LHX8: variants seen among roughly 807,000 people sequenced by gnomAD.
The protein encoded by LHX8 is LIM homeobox 8.
In LHX8, 12 loss-of-function variants were observed where a neutral mutation model predicts 40.3. The ratio of observed to expected loss-of-function variants is 0.30; its 90% CI spans 0.19 to 0.48. The LOEUF (loss-of-function observed/expected upper bound fraction) is 0.48. LHX8 is among the 20% of genes least tolerant of loss of function. The pLI, the probability that LHX8 is intolerant of heterozygous loss-of-function variation, is 0.99. For synonymous variants in LHX8, 179 were observed against 162.0 expected (o/e 1.10, Z -0.80); for missense variants, 344 against 433.7 (o/e 0.79, Z 1.84).
At position 75,134,518 on chromosome 1, in the gene LHX8, GC is replaced by G. The variant is rs1207288854; in HGVS notation, c.-448del. On this transcript the variant is annotated 5_prime_UTR_variant, in exon 1 of 9. Transcript: ENST00000356261. ...TGTAGCATTATCCTTCTCGGCATCA[GC>G]TTTTATTAGTGGATCGGGGCGGGGG... Among the ~76,000 whole-genome samples, 5 of 149,962 alleles carry G rather than the reference GC, an allele frequency of 3.3e-5. No homozygotes were observed. The highest frequency in any genetic ancestry group is 9.9e-5 in the African/African-American group (4 of 40,578).
chr1:75,128,618 G>C (rs1026076917), intron 1 of LHX8: 2 of 152,158 alleles, frequency 1.3e-5, no homozygotes, highest in African/African-American at 4.8e-5. Context: ...GGTAAAATAG[G>C]GCTTTGGATA....
At chr1:75,193,740 A>G in the LHX8 span, among the ~76,000 whole-genome samples, 4 of 152,072 alleles carry the variant, frequency 2.6e-5, no homozygotes, top group Admixed American at 1.3e-4. Flanking sequence ...TTGAGGATGT[A>G]TTTTTCGCTT....
At chr1:75,163,389 T>A (rs1354363046), downstream of LHX8, among the ~76,000 whole-genome samples, 3 of 152,194 alleles carry the variant, frequency 2.0e-5, no homozygotes, top group Non-Finnish European at 4.4e-5. Context: ...CATGGATGAC[T>A]TTACCAGTTA....
intron 3 of LHX8, among the ~76,000 whole-genome samples, chr1:75,137,900 A>G (rs1648199084): frequency 6.6e-6 from 1 of 152,186 alleles, no homozygotes. Flanking sequence ...ATTTCAATAT[A>G]TTCCTGCTCT....
chr1:75,146,256 G>T (rs879609849), intron 6 of LHX8, among the ~76,000 whole-genome samples: 7 of 151,968 alleles, frequency 4.6e-5, no homozygotes, highest in Non-Finnish European at 8.8e-5. Flanking sequence ...TACCTGCTTT[G>T]GACAGAGGAG....
chr1:75,153,668 C>T (rs1648676246), intron 7 of LHX8, among the ~76,000 whole-genome samples: 1 of 152,176 alleles, frequency 6.6e-6, no homozygotes, highest in African/African-American at 2.4e-5. Context: ...CTCGGCCTCC[C>T]AAAGTGCTGG....
intron 8 of LHX8, 142 bp from the exon 9 acceptor site, chr1:75,160,677 T>A (rs558608334): frequency 2.8e-6 from 2 of 709,246 alleles, no homozygotes; most frequent in African/African-American, 3.5e-5. Flanking sequence ...ATGCTTCTGC[T>A]GAGGTCAGTG....
At chr1:75,175,920 T>C in the LHX8 span, among the ~76,000 whole-genome samples, 3 of 152,312 alleles carry the variant, frequency 2.0e-5, no homozygotes, top group African/African-American at 7.2e-5. Flanking sequence ...GAACATGCAG[T>C]GTTTGGCTTT....
chr1:75,156,930 A>G lies in LHX8; in HGVS notation c.818A>G (p.His273Arg). Reference sequence around the variant, plus strand: ...AATTGTAGAGCACGCCACAAGAAACACGTCAGTCCTAATCACTCATCCTCC... The same window carrying G: ...AATTGTAGAGCACGCCACAAGAAACGCGTCAGTCCTAATCACTCATCCTCC... ...FQNCRARHKK[H>R]VSPNHSSSTP... The change falls in exon 8 of 9, where the codon CAC (histidine) becomes CGC (arginine). Residue 273 changes from histidine (H) to arginine (R), a missense_variant. His to Arg is a conservative substitution (Grantham distance 29, BLOSUM62 0). This residue lies in a region of LHX8 where 89 missense variants were observed against 92.8 expected (regional missense o/e 0.96). Coordinates refer to ENST00000356261, the MANE Select transcript of LHX8 (RefSeq NM_001256114.2). The G allele has an allele frequency of 6.2e-7, 1 of 1,614,160 alleles. No individual in the cohort carries two copies. The highest frequency in any genetic ancestry group is 8.5e-7 in the Non-Finnish European group (1 of 1,180,026).
the LHX8 span, among the ~76,000 whole-genome samples, chr1:75,182,777 C>T: frequency 3.0e-4 from 46 of 152,280 alleles, no homozygotes; most frequent in Non-Finnish European, 5.1e-4. Flanking sequence ...GTTCTTTTTG[C>T]TTAGTCTTGC....
the LHX8 span, among the ~76,000 whole-genome samples, chr1:75,174,025 G>C: frequency 6.9e-6 from 1 of 145,128 alleles, no homozygotes; most frequent in Non-Finnish European, 1.5e-5. Flanking sequence ...AAATCTAAAA[G>C]AAAAAAAAAA....
intron 1 of LHX8, 31 bp downstream of exon 1, chr1:75,134,985 G>A (rs1648078025): frequency 1.0e-6 from 1 of 971,046 alleles, no homozygotes; most frequent in Non-Finnish European, 1.2e-6. Flanking sequence ...ATTTGCTGTG[G>A]TGATCGTGGC....
intron 3 of LHX8, 21 bp downstream of exon 3, chr1:75,137,282 C>G: frequency 1.2e-6 from 2 of 1,611,332 alleles, no homozygotes; most frequent in Non-Finnish European, 1.7e-6. Context: ...GCCTCGGGTG[C>G]GAGGCCCAAG....
the LHX8 span, among the ~76,000 whole-genome samples, chr1:75,170,653 A>G: frequency 1.3e-5 from 2 of 152,056 alleles, no homozygotes; most frequent in East Asian, 1.9e-4. Flanking sequence ...TCAAGAGTCA[A>G]CTGGAGACTG....
At chr1:75,176,745 C>A in the LHX8 span, among the ~76,000 whole-genome samples, 2 of 152,138 alleles carry the variant, frequency 1.3e-5, no homozygotes, top group Non-Finnish European at 2.9e-5. Context: ...GAAGTCCTCG[C>A]CCATGCCTAT....
downstream of LHX8, among the ~76,000 whole-genome samples, chr1:75,165,097 A>T (rs1253184794): frequency 1.3e-5 from 2 of 152,132 alleles, no homozygotes; most frequent in African/African-American, 4.8e-5. Context: ...TTTTCAGCTG[A>T]GGTTTCATTC....
At chr1:75,141,143 TA>T in intron 4 of LHX8, 37 bp downstream of exon 4, 1 of 1,604,088 alleles carries the variant, frequency 6.2e-7, no homozygotes, top group Non-Finnish European at 8.5e-7. Context: ...GATACTTGAA[TA>T]AATTATTATG....
At chr1:75,144,113 A>G (rs952058757) in intron 6 of LHX8, among the ~76,000 whole-genome samples, 165 bp downstream of exon 6, 8 of 152,188 alleles carry the variant, frequency 5.3e-5, no homozygotes, top group African/African-American at 1.9e-4. Flanking sequence ...TTATTGCCCT[A>G]AAGTGTTTGC....
At chr1:75,170,844 C>T in the LHX8 span, among the ~76,000 whole-genome samples, 975 of 152,292 alleles carry the variant, frequency 6.4e-3, 9 homozygotes, top group Non-Finnish European at 8.7e-3. Context: ...TATTTGCTCT[C>T]ATTAATCTAC....
Sources: allele counts gnomAD v4.1 joint callset (sites outside exome capture counted in the v4.1 genomes callset), GRCh38; gene constraint gnomAD v4.1.1; regional missense constraint gnomAD v4.1.1; transcripts MANE v1.5; gene names NCBI Gene and HGNC (gene_info 2026-07-23, HGNC 2026-07-21).